TMCO1: variants seen among roughly 807,000 people sequenced by gnomAD.
TMCO1 encodes calcium load-activated calcium channel.
Under a neutral mutation model 29.3 loss-of-function variants are expected in TMCO1, and 29 were observed. The ratio of observed to expected loss-of-function variants is 0.99; its 90% confidence interval spans 0.74 to 1.35. The LOEUF (loss-of-function observed/expected upper bound fraction) is 1.35, where lower values mean the gene tolerates loss of function less well. TMCO1 is among the 40% of genes most tolerant of loss of function. The pLI is 0.00. For synonymous variants in TMCO1, 80 were observed against 77.1 expected (o/e 1.04, Z -0.20); for missense variants, 173 against 225.5 (o/e 0.77, Z 1.49).
intron 5 of TMCO1, among the ~76,000 whole-genome samples, chr1:165,748,437 G>A (rs1651882627): frequency 6.6e-6 from 1 of 152,142 alleles, no homozygotes; most frequent in Non-Finnish European, 1.5e-5. Context: ...AGAAGAGAGG[G>A]AGGGATGAAT....
At chr1:165,735,351 A>G (rs80175547) in intron 6 of TMCO1, among the ~76,000 whole-genome samples, 4,920 of 152,230 alleles carry the variant, frequency 0.032, 236 homozygotes, top group African/African-American at 0.11. Flanking sequence ...AAGAGTGTCT[A>G]AAACTCAGAA....
At chr1:165,743,069 A>T (rs1009632675) in intron 6 of TMCO1, 98 bp downstream of exon 6, 1 of 1,459,122 alleles carries the variant, frequency 6.9e-7, no homozygotes, top group South Asian at 1.2e-5. Flanking sequence ...AGAACTCAGG[A>T]ACAATGGGTA....
At chr1:165,733,881 G>T (rs1249686193) in intron 6 of TMCO1, among the ~76,000 whole-genome samples, 2 of 152,190 alleles carry the variant, frequency 1.3e-5, no homozygotes, top group Non-Finnish European at 2.9e-5. Context: ...CAGGATTTGT[G>T]TTCTTTCCTC....
intron 4 of TMCO1, 69 bp from the exon 5 acceptor site, chr1:165,752,238 T>C: frequency 1.0e-5 from 13 of 1,288,498 alleles, no homozygotes; most frequent in Non-Finnish European, 1.4e-5. Flanking sequence ...TCTCAAAAGT[T>C]TTGGTTTCAT....
intron 6 of TMCO1, among the ~76,000 whole-genome samples, chr1:165,731,040 C>T (rs1276495267): frequency 6.6e-6 from 1 of 151,960 alleles, no homozygotes; most frequent in African/African-American, 2.4e-5. Flanking sequence ...GCAGGGAATA[C>T]AGGGGCACAT....
downstream of TMCO1, chr1:165,725,589 G>C (rs1290365605): frequency 2.2e-6 from 1 of 454,052 alleles, no homozygotes; most frequent in African/African-American, 2.0e-5. Flanking sequence ...ATCTTACATA[G>C]GGAAAATAAC....
intron 5 of TMCO1, among the ~76,000 whole-genome samples, chr1:165,744,987 GC>G (rs1445402853): frequency 6.6e-6 from 1 of 151,500 alleles, no homozygotes; most frequent in Non-Finnish European, 1.5e-5. Flanking sequence ...TAAAGCATCT[GC>G]CAGCTGTTAA....
intron 3 of TMCO1, among the ~76,000 whole-genome samples, chr1:165,757,863 C>T (rs1469806652): frequency 1.3e-5 from 2 of 152,192 alleles, no homozygotes; most frequent in Non-Finnish European, 2.9e-5. Flanking sequence ...CAAGGTTACA[C>T]TCCATGTTAA....
At chr1:165,737,477 T>C (rs1466585272) in intron 6 of TMCO1, among the ~76,000 whole-genome samples, 2 of 152,142 alleles carry the variant, frequency 1.3e-5, no homozygotes, top group South Asian at 2.1e-4. Flanking sequence ...GAAATAATGA[T>C]TGAAATTTCC....
At chr1:165,726,746 C>G, downstream of TMCO1, 2 of 454,010 alleles carry the variant, frequency 4.4e-6, no homozygotes, top group South Asian at 3.1e-5. Flanking sequence ...TTGGGCAGAT[C>G]CTCTTTTTTG....
chr1:165,752,587 G>C (rs1331396310), intron 4 of TMCO1, among the ~76,000 whole-genome samples: 1 of 151,408 alleles, frequency 6.6e-6, no homozygotes, highest in Non-Finnish European at 1.5e-5. Context: ...CTCCGTAGCA[G>C]TTCAAGACCA....
intron 6 of TMCO1, among the ~76,000 whole-genome samples, chr1:165,729,689 A>G (rs1320598182): frequency 1.3e-5 from 2 of 152,196 alleles, no homozygotes; most frequent in Non-Finnish European, 2.9e-5. Flanking sequence ...CCTTCATTTT[A>G]TATTTGAAGA....
chr1:165,758,652 T>C (rs900272432), intron 3 of TMCO1, among the ~76,000 whole-genome samples: 1 of 152,196 alleles, frequency 6.6e-6, no homozygotes, highest in African/African-American at 2.4e-5. Context: ...TGGTCTATTT[T>C]CCCTCTCTAA....
chr1:165,757,002 T>C (rs1652214957), intron 3 of TMCO1, among the ~76,000 whole-genome samples: 1 of 152,066 alleles, frequency 6.6e-6, no homozygotes, highest in Non-Finnish European at 1.5e-5. Context: ...AATGAGCAAA[T>C]CTCATGATTT....
chr1:165,756,117 G>A (rs577123747), intron 3 of TMCO1, among the ~76,000 whole-genome samples: 2 of 151,988 alleles, frequency 1.3e-5, no homozygotes, highest in Admixed American at 6.5e-5. Flanking sequence ...AGTAAAGTCT[G>A]GGAGTAATAC....
At chr1:165,761,956 T>A (rs745663624) in intron 2 of TMCO1, among the ~76,000 whole-genome samples, 6 of 150,990 alleles carry the variant, frequency 4.0e-5, no homozygotes, top group South Asian at 2.1e-4. Flanking sequence ...CTCAAAAAAA[T>A]AAATAAATAA....
chr1:165,726,164 TATC>T, downstream of TMCO1: 1 of 694,462 alleles, frequency 1.4e-6, no homozygotes, highest in Non-Finnish European at 2.6e-6. Context: ...TTTTCTTCAT[TATC>T]ATTCGAATTA....
rs202155061 is a variant in TMCO1, at chr1:165,753,648, C to CA, written c.255+579dup. Among the ~76,000 whole-genome samples, 151 of 150,500 alleles carry CA rather than the reference C, an allele frequency of 1.0e-3. 1 individual carries two copies. The highest frequency in any genetic ancestry group is 3.0e-3 in the African/African-American group (123 of 41,048). Reference sequence around the variant, plus strand: ...CCAAGATAGCAAGACCTCATCTCTACAAAAAAAAATTAAAAATTAGCCGGG... The same window carrying CA: ...CCAAGATAGCAAGACCTCATCTCTACAAAAAAAAAATTAAAAATTAGCCGGG... On this transcript the variant is annotated intron_variant, in intron 4 of 6. Transcript: ENST00000367881.
intron 5 of TMCO1, among the ~76,000 whole-genome samples, chr1:165,743,688 G>A (rs951434985): frequency 1.3e-4 from 19 of 151,928 alleles, no homozygotes; most frequent in African/African-American, 4.4e-4. Flanking sequence ...GAGTCTTGCC[G>A]TGTCGGTCAG....
Sources: allele counts gnomAD v4.1 joint callset (sites outside exome capture counted in the v4.1 genomes callset), GRCh38; gene constraint gnomAD v4.1.1; transcripts MANE v1.5; gene names NCBI Gene and HGNC (gene_info 2026-07-23, HGNC 2026-07-21).